The following PLXNA1 variants were observed in gnomAD, a reference collection of about 807,000 sequenced individuals.
PLXNA1 encodes plexin A1.
A neutral mutation model predicts 191.7 loss-of-function variants in PLXNA1; 77 were observed. The observed-to-expected ratio is 0.40, with a 90% CI of 0.33 to 0.49. PLXNA1 has a LOEUF of 0.49. Among genes scored for constraint, PLXNA1 ranks in the 20% least tolerant of loss-of-function variants. The pLI, the probability that PLXNA1 is intolerant of heterozygous loss-of-function variation, is 0.63. For synonymous variants in PLXNA1, 1,137 were observed against 1,156.4 expected (o/e 0.98, Z 0.34); for missense variants, 2,110 against 2,660.2 (o/e 0.79, Z 4.55).
chr3:127,017,544 C>T lies in PLXNA1; in HGVS notation c.3396C>T (p.Asn1132=), dbSNP rs148780407. ...RPDELGFVMD[N]VRSLLVLNST... ...ATGAGCTGGGCTTCGTCATGGACAA[C>T]GTGCGCTCCCTGCTTGTGCTCAACT... The change falls in exon 18 of 32, where the codon AAC becomes AAT. Residue 1132 remains asparagine, a synonymous_variant. Coordinates refer to ENST00000393409, the MANE Select transcript of PLXNA1 (RefSeq NM_032242.4). The T allele has an allele frequency of 9.5e-5, 154 of 1,613,612 alleles. No homozygotes were observed. Among genetic ancestry groups the T allele is most frequent in the Non-Finnish European group, 1.1e-4 (132 of 1,180,026 alleles).
rs150756697 is a variant in PLXNA1 at position 127,020,314 on chromosome 3, C to G, written c.4008C>G (p.Ile1336Met). Residue 1336 changes from isoleucine to methionine, a missense_variant, in exon 21 of 32, where the codon ATC becomes ATG. Ile to Met is a conservative substitution (Grantham distance 10, BLOSUM62 1). Coordinates refer to ENST00000393409, the MANE Select transcript of PLXNA1 (RefSeq NM_032242.4). ...CCATGCGGGTGCTCTTTCCTGGGAT[C>G]GAGGACCACCCTGTGCTCAAGGAGA... is the stretch of plus-strand genomic sequence containing the variant. The part of the protein sequence containing the change: ...TYAMRVLFPG[I>M]EDHPVLKEME... 1 of 1,612,926 alleles carries G rather than the reference C, an allele frequency of 6.2e-7. No individual in the cohort carries two copies. Among genetic ancestry groups the G allele is most frequent in the Admixed American group, 1.7e-5 (1 of 60,000 alleles).
At chr3:126,993,101 G>A (rs1002050126) in intron 3 of PLXNA1, among the ~76,000 whole-genome samples, 6 of 152,182 alleles carry the variant, frequency 3.9e-5, no homozygotes, top group African/African-American at 7.2e-5. Flanking sequence ...CAGGGGCACC[G>A]TTTGGGTCAG....
In PLXNA1 at chr3:127,015,215, G is replaced by A. The variant is rs571216968; in HGVS notation, c.2909G>A (p.Arg970His). ...TPTFYRVSPS[R>H]GPLSGGTWIG... ...ACCTTCTACCGTGTGAGCCCCTCCC[G>A]TGGGCCTCTGTCAGGGGGCACCTGG... Residue 970 changes from arginine to histidine, a missense_variant, in exon 15 of 32, where the codon CGT becomes CAT. Arg to His is a conservative substitution (Grantham distance 29, BLOSUM62 0). Around this residue, in one of 4 missense-constraint regions of PLXNA1, gnomAD observed 644 missense variants for 714.3 expected, o/e 0.90. Transcript: ENST00000393409. 16 of 1,613,388 alleles carry A rather than the reference G, an allele frequency of 9.9e-6. No homozygotes were observed. The highest frequency in any genetic ancestry group is 6.7e-5 in the East Asian group (3 of 44,864).
At position 127,035,774 on chromosome 3, in the gene PLXNA1, G is replaced by A. The variant is rs1383380093; in HGVS notation, c.*1757G>A. The A allele has an allele frequency of 6.6e-6, 1 of 152,312 alleles. No homozygotes were observed. The highest frequency in any genetic ancestry group is 2.4e-5 in the African/African-American group (1 of 41,424). The allele number at this position is 152,312 out of a possible 1,614,324, so 9.4% of individuals were successfully genotyped here. On this transcript the variant is annotated 3_prime_UTR_variant, in exon 32 of 32. Coordinates refer to ENST00000393409, the MANE Select transcript of PLXNA1 (RefSeq NM_032242.4). The stretch of plus-strand genomic sequence containing the variant: ...CCAAGGAGAGGACTCGGCCCCATGG[G>A]GTGTGCCAGTCTTGCAGTCCGCCCC...
chr3:126,997,149 C>T (rs2079018513), intron 3 of PLXNA1, among the ~76,000 whole-genome samples: 2 of 152,240 alleles, frequency 1.3e-5, no homozygotes, highest in South Asian at 2.1e-4. Flanking sequence ...TTGCGTGTTT[C>T]AAGCACACAT....
At chr3:126,988,012 G>T (rs1035412932) in intron 1 of PLXNA1, among the ~76,000 whole-genome samples, 2 of 152,164 alleles carry the variant, frequency 1.3e-5, no homozygotes, top group African/African-American at 4.8e-5. Context: ...GGAGGTGGGA[G>T]TGAGCACTAA....
At chr3:127,005,825 C>T (rs2079065811) in intron 7 of PLXNA1, among the ~76,000 whole-genome samples, 2 of 152,280 alleles carry the variant, frequency 1.3e-5, no homozygotes, top group Admixed American at 1.3e-4. Context: ...TCTGCAGGCC[C>T]TTCCACAGGA....
At chr3:127,009,708 AG>A in intron 9 of PLXNA1, among the ~76,000 whole-genome samples, 1 of 152,060 alleles carries the variant, frequency 6.6e-6, no homozygotes, top group East Asian at 1.9e-4. Context: ...CCATGCTGGG[AG>A]GGGGTCTCTG....
Position 127,029,069 on chromosome 3 carries a change from G to A in PLXNA1, c.4746G>A (p.Lys1582=), listed in dbSNP as rs2079192449. The change falls in exon 26 of 32, where the codon AAG becomes AAA. Residue 1582 remains lysine, a synonymous_variant. Coordinates refer to ENST00000393409, the MANE Select transcript of PLXNA1 (RefSeq NM_032242.4). ...DVTTKIDNDW[K]RLNTLAHYQV... Reference sequence around the variant, plus strand: ...CCACCAAGATTGACAACGATTGGAAGAGGCTGAACACACTGGCTCACTACC... The same window carrying A: ...CCACCAAGATTGACAACGATTGGAAAAGGCTGAACACACTGGCTCACTACC... 3 of 1,613,658 alleles carry A rather than the reference G, an allele frequency of 1.9e-6. No individual in the cohort carries two copies. Among genetic ancestry groups the A allele is most frequent in the Non-Finnish European group, 2.5e-6 (3 of 1,179,922 alleles).
intron 3 of PLXNA1, among the ~76,000 whole-genome samples, chr3:126,994,216 C>G (rs72959005): frequency 2.0e-4 from 30 of 152,244 alleles, no homozygotes; most frequent in African/African-American, 6.7e-4. Flanking sequence ...GGGCAGAGTT[C>G]TCTGCTAGCC....
At chr3:127,019,763 G>A (rs1049301140) in intron 20 of PLXNA1, among the ~76,000 whole-genome samples, 1 of 152,186 alleles carries the variant, frequency 6.6e-6, no homozygotes, top group South Asian at 2.1e-4. Flanking sequence ...GAGCAGGGTG[G>A]GCCATGTTGA....
intron 9 of PLXNA1, among the ~76,000 whole-genome samples, chr3:127,008,116 T>A (rs1444724825): frequency 6.6e-6 from 1 of 152,184 alleles, no homozygotes; most frequent in Non-Finnish European, 1.5e-5. Flanking sequence ...GTCACTGTCT[T>A]GGCCTGAAGT....
At chr3:126,993,719 G>A (rs933220967) in intron 3 of PLXNA1, among the ~76,000 whole-genome samples, 3 of 152,242 alleles carry the variant, frequency 2.0e-5, no homozygotes, top group Admixed American at 6.5e-5. Flanking sequence ...GCCTGGCAGA[G>A]TCTGCAGTCG....
intron 1 of PLXNA1, 60 bp from the exon 2 acceptor site, chr3:126,988,461 C>A: frequency 1.2e-6 from 1 of 828,942 alleles, no homozygotes; most frequent in South Asian, 1.9e-5. Flanking sequence ...ACTGGGAGAT[C>A]ATAATATCAT....
At chr3:126,992,914 G>A (rs1047678385) in intron 3 of PLXNA1, among the ~76,000 whole-genome samples, 2 of 152,172 alleles carry the variant, frequency 1.3e-5, no homozygotes, top group East Asian at 1.9e-4. Context: ...GCTCTCGAGC[G>A]CATGGGGTGG....
Position 127,014,519 on chromosome 3 carries a change from C to A in PLXNA1, c.2646C>A (p.Leu882=), listed in dbSNP as rs774535244. ...ETGPRQGGTR[L]TITGENLGLR... Reference sequence around the variant, plus strand: ...GCCCGAGGCAGGGCGGCACGCGGCTCACTATCACAGGCGAGAACCTGGGCC... The same window carrying A: ...GCCCGAGGCAGGGCGGCACGCGGCTAACTATCACAGGCGAGAACCTGGGCC... Residue 882 remains leucine (L), a synonymous_variant, in exon 13 of 32, where the codon CTC becomes CTA. Transcript: ENST00000393409. 2 of 1,608,872 alleles carry A rather than the reference C, an allele frequency of 1.2e-6. No homozygotes were observed. The highest frequency in any genetic ancestry group is 1.7e-5 in the Admixed American group (1 of 59,996).
In PLXNA1 at chr3:127,032,438, C is replaced by T. The variant is rs745832257; in HGVS notation, c.5283C>T (p.Phe1761=). 1.2e-5 allele frequency: 20 copies of T among 1,613,952 alleles called. No individual in the cohort carries two copies. The highest frequency in any genetic ancestry group is 4.5e-5 in the East Asian group (2 of 44,868). The change falls in exon 30 of 32, where the codon TTC becomes TTT. Residue 1761 remains phenylalanine (F), a synonymous_variant. Coordinates refer to ENST00000393409, the MANE Select transcript of PLXNA1 (RefSeq NM_032242.4). ...VNVIKNPQFV[F]DIHKNSITDA... Reference sequence around the variant, plus strand: ...TGATCAAGAACCCACAGTTTGTGTTCGACATTCACAAGAACAGCATCACGG... The same window carrying T: ...TGATCAAGAACCCACAGTTTGTGTTTGACATTCACAAGAACAGCATCACGG...
rs1267220649 is a variant in PLXNA1 at position 127,012,170 on chromosome 3, A to G, written c.2313+12A>G. ...GCCAGAATTCCTCGGTGAGGTGGCC[A>G]GGGCAGGGGCTGGGGGCCGTGAGCC... On this transcript the variant is annotated intron_variant, in intron 10 of 31. Transcript: ENST00000393409. The G allele has an allele frequency of 1.2e-6, 2 of 1,608,292 alleles. No homozygotes were observed. The highest frequency in any genetic ancestry group is 2.2e-5 in the East Asian group (1 of 44,734).
chr3:127,016,071 G>A (rs1410647697), intron 15 of PLXNA1, among the ~76,000 whole-genome samples: 1 of 152,086 alleles, frequency 6.6e-6, no homozygotes, highest in African/African-American at 2.4e-5. Flanking sequence ...GGAAGGTCGC[G>A]CCAGGGCTTA....
Sources: allele counts gnomAD v4.1 joint callset (sites outside exome capture counted in the v4.1 genomes callset), GRCh38; gene constraint gnomAD v4.1.1; regional missense constraint gnomAD v4.1.1; transcripts MANE v1.5; gene names NCBI Gene and HGNC (gene_info 2026-07-23, HGNC 2026-07-21).